TMC7: variants seen among roughly 807,000 people sequenced by gnomAD.
TMC7 encodes the protein transmembrane channel like 7.
In TMC7, 54 loss-of-function variants were observed where a neutral mutation model predicts 82.9. The ratio of observed to expected loss-of-function variants is 0.65; its 90% confidence interval spans 0.52 to 0.82. TMC7 has a LOEUF of 0.82. Ranked by LOEUF, TMC7 falls within the 40% of genes least tolerant of loss-of-function variation. The pLI, the probability that TMC7 is intolerant of heterozygous loss-of-function variation, is 0.00. For synonymous variants in TMC7, 350 were observed against 337.9 expected, an observed-to-expected ratio of 1.04 and a Z score of -0.39; for missense variants, 820 against 901.2, an observed-to-expected ratio of 0.91 and a Z score of 1.15.
At chr16:18,989,470 CT>C (rs1468504560) in intron 1 of TMC7, among the ~76,000 whole-genome samples, 1 of 150,170 alleles carries the variant, frequency 6.7e-6, no homozygotes. Context: ...ACTTTTCGGC[CT>C]CTGACCTTTG....
At chr16:19,040,167 A>G in intron 8 of TMC7, 122 bp from the exon 9 acceptor site, 2 of 661,662 alleles carry the variant, frequency 3.0e-6, no homozygotes, top group South Asian at 2.2e-5. Flanking sequence ...CTTACAGGCC[A>G]TGTTGAATGA....
In TMC7 at chr16:19,039,488, C is replaced by T. The variant is rs560641097; in HGVS notation, c.1180-801C>T. On this transcript the variant is annotated intron_variant, in intron 8 of 15. Transcript: ENST00000304381. ...AGGGGCTAAGGAGGGCACATTTCTT[C>T]CTTTAAAGGGCATAACCTGTGGGTT... 2.6e-5 allele frequency among the ~76,000 whole-genome samples: 4 copies of T among 152,246 alleles called. No homozygotes were observed. The South Asian group carries it at 8.3e-4, about 32-fold the overall frequency.
At chr16:19,050,528 A>C (rs1961490844) in intron 12 of TMC7, among the ~76,000 whole-genome samples, 1 of 151,804 alleles carries the variant, frequency 6.6e-6, no homozygotes, top group African/African-American at 2.4e-5. Flanking sequence ...TCTCACCCAG[A>C]CTTAGGGCAG....
chr16:18,996,715 G>A (rs2039049054), intron 1 of TMC7, among the ~76,000 whole-genome samples: 1 of 152,190 alleles, frequency 6.6e-6, no homozygotes, highest in African/African-American at 2.4e-5. Context: ...AGAAGGGGGT[G>A]GAGAGCAGCC....
intron 1 of TMC7, among the ~76,000 whole-genome samples, chr16:18,996,486 A>T (rs1056930283): frequency 6.6e-6 from 1 of 152,224 alleles, no homozygotes; most frequent in African/African-American, 2.4e-5. Context: ...AGACAGATCG[A>T]AAGTGCCATT....
intron 3 of TMC7, among the ~76,000 whole-genome samples, chr16:19,021,292 A>G (rs946212561): frequency 6.6e-6 from 1 of 152,204 alleles, no homozygotes; most frequent in Non-Finnish European, 1.5e-5. Flanking sequence ...GTTTAGAAAC[A>G]GATTCATACA....
chr16:19,013,733 C>T (rs993861421), intron 2 of TMC7, among the ~76,000 whole-genome samples: 9 of 150,888 alleles, frequency 6.0e-5, no homozygotes, highest in South Asian at 4.2e-4. Flanking sequence ...TGGTTAGGCT[C>T]GTCTGGAATT....
chr16:19,048,297 T>G (rs1961379719), intron 12 of TMC7, among the ~76,000 whole-genome samples: 1 of 152,066 alleles, frequency 6.6e-6, no homozygotes, highest in Admixed American at 6.6e-5. Flanking sequence ...TTTTCGGGTT[T>G]CAATGATTTG....
chr16:19,042,845 C>T (rs1171339996), intron 9 of TMC7, among the ~76,000 whole-genome samples: 1 of 152,050 alleles, frequency 6.6e-6, no homozygotes, highest in Non-Finnish European at 1.5e-5. Context: ...CTCCCGGGTT[C>T]ACGCCATTCT....
intron 2 of TMC7, among the ~76,000 whole-genome samples, chr16:19,011,730 A>G (rs1411613815): frequency 1.3e-5 from 2 of 152,140 alleles, no homozygotes; most frequent in Non-Finnish European, 2.9e-5. Flanking sequence ...TGAAGAAAAT[A>G]GCAAAACAAA....
At chr16:19,006,305 A>T (rs1256293816) in intron 1 of TMC7, among the ~76,000 whole-genome samples, 4 of 151,366 alleles carry the variant, frequency 2.6e-5, no homozygotes, top group Non-Finnish European at 5.9e-5. Context: ...GGTTCAAGCG[A>T]TCCTAAATAG....
chr16:19,016,347 C>G, intron 2 of TMC7, 103 bp from the exon 3 acceptor site: 1 of 1,458,576 alleles, frequency 6.9e-7, no homozygotes. Context: ...GCCTCGGCCT[C>G]CCAGAGTGCT....
At position 19,045,391 on chromosome 16, in the gene TMC7, C is replaced by T. The variant is rs1961222471; in HGVS notation, c.1506C>T (p.Asp502=). The part of the protein sequence containing the change: ...GQEMYKLMIF[D]FIIILAVTLF... ...AAATGTACAAGCTGATGATCTTCGA[C>T]TTCATCATCATCTTGGCTGTGACAC... Residue 502 remains aspartate (D), a synonymous_variant, in exon 11 of 16, where the codon GAC becomes GAT. Transcript: ENST00000304381. The T allele has an allele frequency of 6.2e-7, 1 of 1,613,854 alleles. No individual in the cohort carries two copies. Among genetic ancestry groups the T allele is most frequent in the Non-Finnish European group, 8.5e-7 (1 of 1,180,012 alleles).
chr16:19,043,211 T>C (rs1017206957), intron 9 of TMC7, among the ~76,000 whole-genome samples: 2 of 152,126 alleles, frequency 1.3e-5, no homozygotes, highest in African/African-American at 2.4e-5. Context: ...CTTCCAAAAA[T>C]AGGATCATAT....
rs1390534564 is a variant in TMC7 at position 19,062,934 on chromosome 16, T to C, written c.*1091T>C. The C allele has an allele frequency of 6.6e-6, 1 of 152,172 alleles. No individual in the cohort carries two copies. The highest frequency in any genetic ancestry group is 1.5e-5 in the Non-Finnish European group (1 of 67,994). 9.4% of individuals were successfully genotyped at this position (152,172 alleles called of 1,614,324 possible). ...TTGGGTGCAGGTTTTAGAAAGCTGTTGCTGTTAACAATAATTCTCCCGGCC... is the reference window on the plus strand; with the variant it reads ...TTGGGTGCAGGTTTTAGAAAGCTGTCGCTGTTAACAATAATTCTCCCGGCC... On this transcript the variant is annotated 3_prime_UTR_variant, in exon 16 of 16. Transcript: ENST00000304381.
chr16:19,021,491 A>C, intron 3 of TMC7, 138 bp from the exon 4 acceptor site: 1 of 887,858 alleles, frequency 1.1e-6, no homozygotes, highest in East Asian at 2.5e-5. Flanking sequence ...TAAAGCTAAC[A>C]ATTGAGAAAA....
At chr16:19,041,068 T>G (rs1037275413) in intron 9 of TMC7, among the ~76,000 whole-genome samples, 4 of 150,430 alleles carry the variant, frequency 2.7e-5, no homozygotes, top group Non-Finnish European at 5.9e-5. Context: ...TTAAAAAAAT[T>G]TTTTTTTTTG....
intron 1 of TMC7, among the ~76,000 whole-genome samples, chr16:18,994,565 C>CT (rs2039008404): frequency 6.6e-6 from 1 of 151,860 alleles, no homozygotes; most frequent in Non-Finnish European, 1.5e-5. Context: ...AGGGCTGCTT[C>CT]TTAAGGAATG....
At chr16:19,014,264 A>G (rs1156580079) in intron 2 of TMC7, among the ~76,000 whole-genome samples, 2 of 152,046 alleles carry the variant, frequency 1.3e-5, no homozygotes, top group African/African-American at 2.4e-5. Flanking sequence ...GCCTCTACCC[A>G]CTAGATGCCA....
Sources: gnomAD v4.1 joint callset for allele counts (sites outside exome capture counted in the v4.1 genomes callset) on GRCh38, gnomAD v4.1.1 for gene constraint, MANE v1.5 for transcripts, NCBI Gene and HGNC (gene_info 2026-07-23, HGNC 2026-07-21) for gene names.